PFKM: variants seen among roughly 807,000 people sequenced by gnomAD.
PFKM encodes the protein ATP-dependent 6-phosphofructokinase, muscle type.
PFKM carries 58 observed loss-of-function variants against 95.5 expected under a neutral mutation model. That is an observed-to-expected ratio of 0.61 (90% confidence interval 0.49 to 0.76). The LOEUF is 0.76. PFKM is among the 30% of genes least tolerant of loss of function. The pLI is 0.00. For synonymous variants in PFKM, 336 were observed against 357.2 expected, an observed-to-expected ratio of 0.94 and a Z score of 0.67; for missense variants, 678 against 1,005.4, an observed-to-expected ratio of 0.67 and a Z score of 4.40.
rs372899080 is a variant in PFKM, at chr12:48,134,214, T to A, written c.594-18T>A. 141 of 1,611,972 alleles carry A rather than the reference T, an allele frequency of 8.7e-5. No individual in the cohort carries two copies. Among genetic ancestry groups the A allele is most frequent in the Non-Finnish European group, 1.1e-4 (135 of 1,178,098 alleles). ...CCATAGGGTCACTTGGACTGTGTCA[T>A]ATGTCTATCTCTTGCAGCCACCAGA... On this transcript the variant is annotated intron_variant, in intron 6 of 22. Coordinates refer to ENST00000359794, the MANE Select transcript of PFKM (RefSeq NM_000289.6).
chr12:48,112,085 T>C (rs1039442484), intron 3 of PFKM, among the ~76,000 whole-genome samples: 1 of 152,124 alleles, frequency 6.6e-6, no homozygotes, highest in Non-Finnish European at 1.5e-5. Context: ...TCCTGGCTTA[T>C]GTAAGAACTC....
intron 12 of PFKM, chr12:48,139,577 A>AT: frequency 1.6e-6 from 1 of 617,508 alleles, no homozygotes; most frequent in South Asian, 1.9e-5. Context: ...TTATTTCTAT[A>AT]TGTGAGCCCC....
chr12:48,132,855 A>T lies in PFKM; in HGVS notation c.238-13A>T. On this transcript the variant is annotated splice_polypyrimidine_tract_variant and intron_variant, in intron 4 of 22. Coordinates refer to ENST00000359794, the MANE Select transcript of PFKM (RefSeq NM_000289.6). The stretch of plus-strand genomic sequence containing the variant: ...CCCTGTCTCTGGGGAGCTGACTTCT[A>T]CCTCTTCCAAAGGGAGGCACGGTGA... 1 of 1,604,542 alleles carries T rather than the reference A, an allele frequency of 6.2e-7. No individual in the cohort carries two copies. Among genetic ancestry groups the T allele is most frequent in the East Asian group, 2.2e-5 (1 of 44,598 alleles).
chr12:48,108,013 A>T, intron 2 of PFKM: 2 of 1,566,472 alleles, frequency 1.3e-6, no homozygotes, highest in South Asian at 2.2e-5. Context: ...AAAGGGAGTA[A>T]GGAACACTCC....
chr12:48,140,662 C>G, intron 13 of PFKM, 60 bp from the exon 14 acceptor site: 10 of 1,575,114 alleles, frequency 6.3e-6, no homozygotes, highest in Middle Eastern at 1.7e-4. Context: ...CTTTACTAAC[C>G]TCCTCCCTGT....
rs116077866 is a variant in PFKM, at chr12:48,124,225, G to A, written c.85+1366G>A. 7.4e-3 allele frequency among the ~76,000 whole-genome samples: 1,125 copies of A among 152,308 alleles called. 24 individuals carry two copies. Among genetic ancestry groups the A allele is most frequent in the African/African-American group, 0.026 (1,061 of 41,558 alleles). On this transcript the variant is annotated intron_variant, in intron 2 of 22. Coordinates refer to ENST00000359794, the MANE Select transcript of PFKM (RefSeq NM_000289.6). ...TGAAGAAACTGAGGAAGGAGGGTAC[G>A]GAGGTCTGAGTTTAGGAATAGTGAC...
intron 2 of PFKM, 25 bp downstream of exon 2, chr12:48,122,884 T>A (rs777091337): frequency 6.2e-7 from 1 of 1,608,498 alleles, no homozygotes; most frequent in Non-Finnish European, 8.5e-7. Context: ...ACAAAAAACA[T>A]GGCTGGTGGG....
In PFKM at chr12:48,133,621, CG is replaced by C. The variant is rs1949754539; in HGVS notation, c.593+142del. On this transcript the variant is annotated intron_variant, in intron 6 of 22. Coordinates refer to ENST00000359794, the MANE Select transcript of PFKM (RefSeq NM_000289.6). Reference sequence around the variant, plus strand: ...TCTGGGGCTAGAACACTATTTTTAACGAAAAATTATCTAGAGCACTGAAATT... The same window carrying C: ...TCTGGGGCTAGAACACTATTTTTAACAAAAATTATCTAGAGCACTGAAATT... The C allele has an allele frequency of 1.7e-5, 12 of 721,104 alleles. No individual in the cohort carries two copies. The Admixed American group carries it at 2.8e-4, about 17-fold the overall frequency. 44.7% of individuals were successfully genotyped at this position (721,104 alleles called of 1,614,324 possible).
chr12:48,122,328 A>G (rs572126911), intron 1 of PFKM, among the ~76,000 whole-genome samples: 3 of 152,242 alleles, frequency 2.0e-5, no homozygotes, highest in South Asian at 4.1e-4. Context: ...TTCTACTTCT[A>G]CTTTGCTGAT....
chr12:48,121,099 C>A (rs553646795), intron 1 of PFKM, among the ~76,000 whole-genome samples: 1 of 152,174 alleles, frequency 6.6e-6, no homozygotes, highest in Non-Finnish European at 1.5e-5. Flanking sequence ...CCAGTTTAGA[C>A]AACATGTGGT....
intron 3 of PFKM, among the ~76,000 whole-genome samples, chr12:48,112,669 A>C (rs1947308633): frequency 6.6e-6 from 1 of 152,146 alleles, no homozygotes; most frequent in African/African-American, 2.4e-5. Context: ...AGGTTAGGAG[A>C]GTATATGCCT....
chr12:48,128,225 T>C (rs1949050190), intron 2 of PFKM, among the ~76,000 whole-genome samples: 1 of 152,080 alleles, frequency 6.6e-6, no homozygotes. Context: ...CTGGCAGGCT[T>C]AGATACTCTT....
At position 48,138,410 on chromosome 12, in the gene PFKM, G is replaced by A. The variant is rs536606202; in HGVS notation, c.1062+564G>A. 5.3e-5 allele frequency among the ~76,000 whole-genome samples: 8 copies of A among 152,296 alleles called. No homozygotes were observed. In the East Asian group the frequency reaches 1.2e-3, roughly 22 times the overall value. On this transcript the variant is annotated intron_variant, in intron 11 of 22. Transcript: ENST00000359794. ...AATCACTCCTTTGATACCACAGAGC[G>A]AACGTGGCGGCTGAGAGCGAGAACT... is the stretch of plus-strand genomic sequence containing the variant.
At chr12:48,121,905 A>C (rs768574957) in intron 1 of PFKM, among the ~76,000 whole-genome samples, 1 of 152,156 alleles carries the variant, frequency 6.6e-6, no homozygotes, top group African/African-American at 2.4e-5. Flanking sequence ...GGAGAGTGAT[A>C]ATTCTACTGG....
chr12:48,121,115 G>A (rs1273967368), intron 1 of PFKM, among the ~76,000 whole-genome samples: 7 of 152,200 alleles, frequency 4.6e-5, no homozygotes, highest in Non-Finnish European at 8.8e-5. Context: ...GTGGTTAGAG[G>A]AAGTCCAAAA....
In PFKM at chr12:48,140,699, T is replaced by A. The variant is rs757455730; in HGVS notation, c.1192-23T>A. ...CCCCTGCTGGGTTTCTGTCCTCATT[T>A]TTCCCTGCTTCCTCCTGTATAGAGT... On this transcript the variant is annotated intron_variant, in intron 13 of 22. Coordinates refer to ENST00000359794, the MANE Select transcript of PFKM (RefSeq NM_000289.6). 1.9e-5 allele frequency: 31 copies of A among 1,614,088 alleles called. 1 individual carries two copies. The South Asian group carries it at 3.4e-4, about 18-fold the overall frequency.
intron 2 of PFKM, among the ~76,000 whole-genome samples, chr12:48,123,264 G>A (rs993650636): frequency 2.0e-5 from 3 of 152,140 alleles, no homozygotes; most frequent in African/African-American, 7.2e-5. Flanking sequence ...TAGGTCTTCA[G>A]GTATTAACTC....
chr12:48,131,526 C>A, intron 4 of PFKM, 133 bp downstream of exon 4: 1 of 733,338 alleles, frequency 1.4e-6, no homozygotes, highest in Non-Finnish European at 2.5e-6. Flanking sequence ...AGAGAGGGAC[C>A]CTATTTGCCC....
chr12:48,112,591 TA>T (rs1374740343), intron 3 of PFKM, among the ~76,000 whole-genome samples: 5 of 152,106 alleles, frequency 3.3e-5, no homozygotes, highest in African/African-American at 1.2e-4. Flanking sequence ...AAAGGAATAG[TA>T]AAGAAAGCAT....
Sources: allele counts gnomAD v4.1 joint callset (sites outside exome capture counted in the v4.1 genomes callset), GRCh38; gene constraint gnomAD v4.1.1; transcripts MANE v1.5; gene names NCBI Gene and HGNC (gene_info 2026-07-23, HGNC 2026-07-21).